The following EFNB3 variants were observed in gnomAD, a reference collection of about 807,000 sequenced individuals.
EFNB3 encodes the protein ephrin-B3.
Under a neutral mutation model 29.8 loss-of-function variants are expected in EFNB3, and 14 were observed. The ratio of observed to expected loss-of-function variants is 0.47; its 90% CI spans 0.31 to 0.73. The LOEUF is 0.73. Ranked by LOEUF, EFNB3 falls within the 30% of genes least tolerant of loss-of-function variation. EFNB3 has a pLI of 0.05. For missense variants in EFNB3, 408 were observed against 458.0 expected, an observed-to-expected ratio of 0.89 and a Z score of 1.00; for synonymous variants, 216 against 191.6, an observed-to-expected ratio of 1.13 and a Z score of -1.05.
chr17:7,707,791 G>C (rs2074332342), intron 1 of EFNB3, among the ~76,000 whole-genome samples, 167 bp from the exon 2 acceptor site: 2 of 152,218 alleles, frequency 1.3e-5, no homozygotes, highest in Admixed American at 1.3e-4. Context: ...TGAATGCACA[G>C]AGTCCTTGGT....
In EFNB3 at chr17:7,709,244, G is replaced by A. The variant is rs1252584595; in HGVS notation, c.691G>A (p.Ala231Thr). 1 of 1,596,040 alleles carries A rather than the reference G, an allele frequency of 6.3e-7. No individual in the cohort carries two copies. The change falls in exon 5 of 5, where the codon GCA (alanine) becomes ACA (threonine). Residue 231 changes from alanine (A) to threonine (T), a missense_variant. Physicochemically the swap from Ala to Thr is moderately conservative, Grantham distance 58. This residue lies in a region of EFNB3 where 233 missense variants were observed against 230.7 expected (regional missense o/e 1.01). Coordinates refer to ENST00000226091, the MANE Select transcript of EFNB3 (RefSeq NM_001406.4). The surrounding 1 kb of genome is among the most constrained non-coding windows in gnomAD (Gnocchi z 4.5). ...TCCCAGCATGCCTGCAGTGGCTGGG[G>A]CAGCAGGGGGGCTGGCGCTGCTCTT... ...PPPSMPAVAG[A>T]AGGLALLLLG...
Position 7,709,663 on chromosome 17 carries a change from A to G in EFNB3, c.*87A>G. 1 of 1,470,978 alleles carries G rather than the reference A, an allele frequency of 6.8e-7. No individual in the cohort carries two copies. The highest frequency in any genetic ancestry group is 9.4e-7 in the Non-Finnish European group (1 of 1,067,422). The allele number at this position is 1,470,978 out of a possible 1,614,324, so 91.1% of individuals were successfully genotyped here. A position where few individuals can be genotyped will look rare whatever the true frequency, so the allele number is the denominator to read the frequency against. On this transcript the variant is annotated 3_prime_UTR_variant, in exon 5 of 5. Coordinates refer to ENST00000226091, the MANE Select transcript of EFNB3 (RefSeq NM_001406.4). This position sits in a 1 kb window ranked among gnomAD's most constrained non-coding sequence, Gnocchi z 4.5. The stretch of plus-strand genomic sequence containing the variant: ...TCCTGGTTTGAGGGACACCTCTAAC[A>G]TCTCGGCCCCCTGTGCCCCCCCAGC...
At position 7,709,125 on chromosome 17, in the gene EFNB3, C is replaced by T. The variant is rs1314345476; in HGVS notation, c.614-42C>T. 1.9e-6 allele frequency: 3 copies of T among 1,579,572 alleles called. No individual in the cohort carries two copies. Among genetic ancestry groups the T allele is most frequent in the South Asian group, 1.1e-5 (1 of 89,338 alleles). ...TGTCCAGGTGCCCAGGTGGCTCCTT[C>T]AGTCCCTCCCCCTCTTTCCTCCTTC... On this transcript the variant is annotated intron_variant, in intron 4 of 4. Coordinates refer to ENST00000226091, the MANE Select transcript of EFNB3 (RefSeq NM_001406.4). The surrounding 1 kb of genome is among the most constrained non-coding windows in gnomAD (Gnocchi z 4.5).
At position 7,710,019 on chromosome 17, in the gene EFNB3, G is replaced by A. The variant is rs537568740; in HGVS notation, c.*443G>A. 1.9e-3 allele frequency: 477 copies of A among 249,054 alleles called. 3 individuals are homozygous for A. Among genetic ancestry groups the A allele is most frequent in the Middle Eastern group, 9.8e-3 (7 of 714 alleles). The allele number at this position is 249,054 out of a possible 1,614,324, so 15.4% of individuals were successfully genotyped here. ...TCTCTAGGTCTGTTCTTCTTCCCTA[G>A]CATCCTCCTCCCCACATCTCCTTTC... On this transcript the variant is annotated 3_prime_UTR_variant, in exon 5 of 5. Transcript: ENST00000226091.
chr17:7,708,301 A>G lies in EFNB3; in HGVS notation c.415+51A>G, dbSNP rs112625092. 282 of 1,593,090 alleles carry G rather than the reference A, an allele frequency of 1.8e-4. 4 individuals are homozygous for G. The Middle Eastern group carries it at 2.0e-3, about 11-fold the overall frequency. ...GAGTGGGGGGCTCCTGATACTGAGC[A>G]GAGAGGGAGGGGGACCCCTGCAGCC... On this transcript the variant is annotated intron_variant, in intron 2 of 4. Coordinates refer to ENST00000226091, the MANE Select transcript of EFNB3 (RefSeq NM_001406.4). This position sits in a 1 kb window ranked among gnomAD's most constrained non-coding sequence, Gnocchi z 6.8.
rs768935173 is a variant in EFNB3, at chr17:7,708,195, T to C, written c.360T>C (p.Tyr120=). ...GCTTCACCATCAAGTTCCAGGAGTA[T>C]AGCCCTAATCTCTGGGGCCACGAGT... ...DLRFTIKFQE[Y]SPNLWGHEFR... The change falls in exon 2 of 5, where the codon TAT becomes TAC. Residue 120 remains tyrosine, a synonymous_variant. Transcript: ENST00000226091. The surrounding 1 kb of genome is among the most constrained non-coding windows in gnomAD (Gnocchi z 6.8). 5.6e-6 allele frequency: 9 copies of C among 1,612,798 alleles called. No individual in the cohort carries two copies. Among genetic ancestry groups the C allele is most frequent in the Middle Eastern group, 1.6e-4 (1 of 6,084 alleles).
Position 7,709,414 on chromosome 17 carries a change from G to A in EFNB3, c.861G>A (p.Glu287=), listed in dbSNP as rs368679231. The change falls in exon 5 of 5, where the codon GAG becomes GAA. Residue 287 remains glutamate (E), a synonymous_variant. Coordinates refer to ENST00000226091, the MANE Select transcript of EFNB3 (RefSeq NM_001406.4). This position sits in a 1 kb window ranked among gnomAD's most constrained non-coding sequence, Gnocchi z 4.5. ...LGGGGGMGPR[E]AEPGELGIAL... ...GTGGAGGTGGGATGGGACCTCGGGA[G>A]GCTGAGCCTGGGGAGCTAGGGATAG... 162 of 1,609,282 alleles carry A rather than the reference G, an allele frequency of 1.0e-4. No homozygotes were observed. The highest frequency in any genetic ancestry group is 1.3e-4 in the Non-Finnish European group (150 of 1,177,132).
Position 7,708,581 on chromosome 17 carries a change from G to A in EFNB3, c.508+54G>A. The A allele has an allele frequency of 2.5e-6, 4 of 1,595,302 alleles. No homozygotes were observed. The highest frequency in any genetic ancestry group is 1.1e-5 in the South Asian group (1 of 88,396). ...GCACGAAGGGACGTTGGGGCAGTAC[G>A]ATCATGGTTGGGGCAGTTGTCTCAG... On this transcript the variant is annotated intron_variant, in intron 3 of 4. Coordinates refer to ENST00000226091, the MANE Select transcript of EFNB3 (RefSeq NM_001406.4). The surrounding 1 kb of genome is among the most constrained non-coding windows in gnomAD (Gnocchi z 6.8).
At position 7,708,625 on chromosome 17, in the gene EFNB3, T is replaced by G. The variant is rs765001295; in HGVS notation, c.509-10T>G. ...GTCTCAGCCCCTCTCTGGGTCTTCC[T>G]CATCTCCAGGTCCCCGAGGAGGGGC... On this transcript the variant is annotated splice_polypyrimidine_tract_variant and intron_variant, in intron 3 of 4. Transcript: ENST00000226091. This position sits in a 1 kb window ranked among gnomAD's most constrained non-coding sequence, Gnocchi z 6.8. 3 of 1,580,484 alleles carry G rather than the reference T, an allele frequency of 1.9e-6. No individual in the cohort carries two copies. The highest frequency in any genetic ancestry group is 2.3e-5 in the East Asian group (1 of 43,358).
In EFNB3 at chr17:7,708,331, G is replaced by A; in HGVS notation, c.415+81G>A. On this transcript the variant is annotated intron_variant, in intron 2 of 4. Transcript: ENST00000226091. This position sits in a 1 kb window ranked among gnomAD's most constrained non-coding sequence, Gnocchi z 6.8. ...GGGAGGGGGACCCCTGCAGCCAAGAGGGAGATCCCAGTGCCCTCAGGCAGT... is the reference window on the plus strand; with the variant it reads ...GGGAGGGGGACCCCTGCAGCCAAGAAGGAGATCCCAGTGCCCTCAGGCAGT... 3 of 1,583,450 alleles carry A rather than the reference G, an allele frequency of 1.9e-6. No homozygotes were observed. The highest frequency in any genetic ancestry group is 8.6e-7 in the Non-Finnish European group (1 of 1,163,354).
At position 7,709,479 on chromosome 17, in the gene EFNB3, C is replaced by T. The variant is rs767932268; in HGVS notation, c.926C>T (p.Pro309Leu). ...GGGGCTGCAGATCCCCCCTTCTGCC[C>T]CCACTATGAGAAGGTGAGTGGTGAC... is the stretch of plus-strand genomic sequence containing the variant. ...GGGAADPPFC[P>L]HYEKVSGDYG... The change falls in exon 5 of 5, where the codon CCC becomes CTC. Residue 309 changes from proline to leucine, a missense_variant. This residue lies in a region of EFNB3 where 233 missense variants were observed against 230.7 expected (regional missense o/e 1.01). Transcript: ENST00000226091. This position sits in a 1 kb window ranked among gnomAD's most constrained non-coding sequence, Gnocchi z 4.5. 18 of 1,613,614 alleles carry T rather than the reference C, an allele frequency of 1.1e-5. No individual in the cohort carries two copies. The highest frequency in any genetic ancestry group is 2.2e-5 in the East Asian group (1 of 44,872).
Position 7,705,606 on chromosome 17 carries a change from C to A in EFNB3, c.8C>A (p.Pro3His). The change falls in exon 1 of 5, where the codon CCC (proline) becomes CAC (histidine). Residue 3 changes from proline (P) to histidine (H), a missense_variant. Coordinates refer to ENST00000226091, the MANE Select transcript of EFNB3 (RefSeq NM_001406.4). The surrounding 1 kb of genome is among the most constrained non-coding windows in gnomAD (Gnocchi z 5.4). Reference protein sequence around the residue: MGPPHSGPGGVRV... With the variant: MGHPHSGPGGVRV... ...CCAGGCCTTGGCGGGGTCATGGGGC[C>A]CCCCCATTCTGGGCCGGGGGGCGTG... 2 of 1,482,376 alleles carry A rather than the reference C, an allele frequency of 1.3e-6. No individual in the cohort carries two copies. The highest frequency in any genetic ancestry group is 1.4e-5 in the South Asian group (1 of 73,474). 91.8% of individuals were successfully genotyped at this position (1,482,376 alleles called of 1,614,324 possible). A position where few individuals can be genotyped will look rare whatever the true frequency, so the allele number is the denominator to read the frequency against.
At position 7,705,454 on chromosome 17, in the gene EFNB3, A is replaced by G; in HGVS notation, c.-145A>G. ...CGCTCTGCCGCGGGGGCGCGGGCAC[A>G]GCAGGAAGCAGGTCCGCGTGGGCGC... On this transcript the variant is annotated 5_prime_UTR_variant, in exon 1 of 5. Coordinates refer to ENST00000226091, the MANE Select transcript of EFNB3 (RefSeq NM_001406.4). The surrounding 1 kb of genome is among the most constrained non-coding windows in gnomAD (Gnocchi z 5.4). 1 of 509,684 alleles carries G rather than the reference A, an allele frequency of 2.0e-6. No homozygotes were observed. Among genetic ancestry groups the G allele is most frequent in the East Asian group, 3.6e-5 (1 of 27,748 alleles). The allele number at this position is 509,684 out of a possible 1,614,324, so 31.6% of individuals were successfully genotyped here.
rs1597426043 is a variant in EFNB3, at chr17:7,705,822, G to A, written c.122+102G>A. ...TTCTGTGGGCAGGGAGGAGGCGGGAGGGAAGGTGCTGGTGCTCTGATGTGT... is the reference window on the plus strand; with the variant it reads ...TTCTGTGGGCAGGGAGGAGGCGGGAAGGAAGGTGCTGGTGCTCTGATGTGT... On this transcript the variant is annotated intron_variant, in intron 1 of 4. Coordinates refer to ENST00000226091, the MANE Select transcript of EFNB3 (RefSeq NM_001406.4). This position sits in a 1 kb window ranked among gnomAD's most constrained non-coding sequence, Gnocchi z 5.4. 2.8e-6 allele frequency: 4 copies of A among 1,409,048 alleles called. No individual in the cohort carries two copies. The East Asian group carries it at 8.1e-5, about 29-fold the overall frequency. The allele number at this position is 1,409,048 out of a possible 1,614,324, so 87.3% of individuals were successfully genotyped here. A position where few individuals can be genotyped will look rare whatever the true frequency, so the allele number is the denominator to read the frequency against.
chr17:7,709,841 C>G lies in EFNB3; in HGVS notation c.*265C>G, dbSNP rs1305693126. 1.8e-6 allele frequency: 1 copy of G among 561,448 alleles called. No homozygotes were observed. The highest frequency in any genetic ancestry group is 3.2e-6 in the Non-Finnish European group (1 of 317,202). 34.8% of individuals were successfully genotyped at this position (561,448 alleles called of 1,614,324 possible). A position where few individuals can be genotyped will look rare whatever the true frequency, so the allele number is the denominator to read the frequency against. On this transcript the variant is annotated 3_prime_UTR_variant, in exon 5 of 5. Transcript: ENST00000226091. The surrounding 1 kb of genome is among the most constrained non-coding windows in gnomAD (Gnocchi z 4.5). ...TTTTCCTTGGGGAGGGGCACAGGCT[C>G]AGCCTCCTCTCTGACCATGACCCAG...
rs1364611331 is a variant in EFNB3, at chr17:7,710,172, T to C, written c.*596T>C. 1 of 168,008 alleles carries C rather than the reference T, an allele frequency of 6.0e-6. No individual in the cohort carries two copies. The highest frequency in any genetic ancestry group is 1.3e-5 in the Non-Finnish European group (1 of 79,628). 10.4% of individuals were successfully genotyped at this position (168,008 alleles called of 1,614,324 possible). ...ACCACTCCCCTCAGTCTGCCAAAAATGGGGGCCTTATGGGGAAGGCTCTGA... is the reference window on the plus strand; with the variant it reads ...ACCACTCCCCTCAGTCTGCCAAAAACGGGGGCCTTATGGGGAAGGCTCTGA... On this transcript the variant is annotated 3_prime_UTR_variant, in exon 5 of 5. Transcript: ENST00000226091.
chr17:7,709,386 G>T lies in EFNB3; in HGVS notation c.833G>T (p.Gly278Val), dbSNP rs2229847. 3 of 1,596,916 alleles carry T rather than the reference G, an allele frequency of 1.9e-6. No homozygotes were observed. Among genetic ancestry groups the T allele is most frequent in the East Asian group, 2.2e-5 (1 of 44,600 alleles). Residue 278 changes from glycine to valine, a missense_variant, in exon 5 of 5, where the codon GGG becomes GTG. This residue lies in a region of EFNB3 where 233 missense variants were observed against 230.7 expected (regional missense o/e 1.01). Transcript: ENST00000226091. This position sits in a 1 kb window ranked among gnomAD's most constrained non-coding sequence, Gnocchi z 4.5. ...SFGRGGSLGL[G>V]GGGGMGPREA... ...GGGAGGGGAGGGTCTCTGGGCCTGG[G>T]GGGTGGAGGTGGGATGGGACCTCGG...
At position 7,710,510 on chromosome 17, in the gene EFNB3, GGACAGGAAGTAGCACTTCTGA is replaced by G. The variant is rs1331616042; in HGVS notation, c.*935_*955del. On this transcript the variant is annotated 3_prime_UTR_variant, in exon 5 of 5. Transcript: ENST00000226091. ...CAGGAACTGGAAGTGCCTTCATCCA[GGACAGGAAGTAGCACTTCTGA>G]AACAGGAAGTGGTCTGGCTGGAACT... The G allele has an allele frequency of 6.5e-6, 1 of 152,750 alleles. No homozygotes were observed. The highest frequency in any genetic ancestry group is 2.4e-5 in the African/African-American group (1 of 41,454). The allele number at this position is 152,750 out of a possible 1,614,324, so 9.5% of individuals were successfully genotyped here.
rs1298035606 is a variant in EFNB3 at position 7,708,856 on chromosome 17, GGAGAA to G, written c.613+122_613+126del. On this transcript the variant is annotated intron_variant, in intron 4 of 4. Transcript: ENST00000226091. The surrounding 1 kb of genome is among the most constrained non-coding windows in gnomAD (Gnocchi z 6.8). ...TTTGGGGGCGGTGATACAGGAAAGA[GGAGAA>G]GAGAGGATGGGAGGGTGGGAGGGGA... The G allele has an allele frequency of 1.3e-5, 11 of 872,708 alleles. No individual in the cohort carries two copies. The highest frequency in any genetic ancestry group is 5.2e-6 in the Non-Finnish European group (3 of 573,432). The allele number at this position is 872,708 out of a possible 1,614,324, so 54.1% of individuals were successfully genotyped here. A position where few individuals can be genotyped will look rare whatever the true frequency, so the allele number is the denominator to read the frequency against.
Sources: gnomAD v4.1 joint callset for allele counts (sites outside exome capture counted in the v4.1 genomes callset) on GRCh38, gnomAD v4.1.1 for gene constraint, gnomAD v4.1.1 regional missense constraint, Gnocchi (gnomAD v3.1) non-coding constraint, MANE v1.5 for transcripts, NCBI Gene and HGNC (gene_info 2026-07-23, HGNC 2026-07-21) for gene names.